The following RTKN variants were observed in gnomAD, a reference collection of about 807,000 sequenced individuals.
The protein encoded by RTKN is rhotekin.
A neutral mutation model predicts 63.5 loss-of-function variants in RTKN; 49 were observed. That is an observed-to-expected ratio of 0.77 (90% CI 0.61 to 0.98). The LOEUF (loss-of-function observed/expected upper bound fraction) is 0.98, where lower values mean the gene tolerates loss of function less well. Ranked by LOEUF, RTKN falls within the 50% of genes least tolerant of loss-of-function variation. RTKN has a pLI of 0.00. For missense variants in RTKN, 685 were observed against 740.8 expected, an observed-to-expected ratio of 0.92 and a Z score of 0.87; for synonymous variants, 295 against 290.4, an observed-to-expected ratio of 1.02 and a Z score of -0.16.
rs1365347906 is a variant in RTKN, at chr2:74,428,365, A to C, written c.989T>G (p.Val330Gly). The C allele has an allele frequency of 6.2e-7, 1 of 1,613,952 alleles. No individual in the cohort carries two copies. The highest frequency in any genetic ancestry group is 1.3e-5 in the African/African-American group (1 of 74,862). Reference sequence around the variant, plus strand: ...GTTTGTGCCTTTCAGAACTCCATGCACTTGTGCCCAGTTCTGCATCTCCCC... The same window carrying C: ...GTTTGTGCCTTTCAGAACTCCATGCCCTTGTGCCCAGTTCTGCATCTCCCC... ...QAGEMQNWAQ[V>G]HGVLKGTNLF... Residue 330 changes from valine to glycine, a missense_variant, in exon 9 of 12, where the codon GTG becomes GGG. Transcript: ENST00000272430.
At chr2:74,435,136 G>T (rs1044037574) in intron 1 of RTKN, among the ~76,000 whole-genome samples, 1 of 152,186 alleles carries the variant, frequency 6.6e-6, no homozygotes, top group Non-Finnish European at 1.5e-5. Flanking sequence ...GGGATGGGAA[G>T]GTAGGTGGTC....
At chr2:74,428,523 C>T (rs1670547624) in intron 8 of RTKN, 108 bp downstream of exon 8, 2 of 1,553,518 alleles carry the variant, frequency 1.3e-6, no homozygotes, top group African/African-American at 1.4e-5. Context: ...TGGCCATACC[C>T]CATTTCTTCC....
chr2:74,441,830 C>A lies in RTKN; in HGVS notation c.-14G>T. 1.3e-6 allele frequency: 2 copies of A among 1,566,290 alleles called. No homozygotes were observed. The highest frequency in any genetic ancestry group is 8.7e-7 in the Non-Finnish European group (1 of 1,143,904). ...TCGGGAGAACATGCTGGCGGCCCTG[C>A]GACTTTGCCTGCTCAGTGCGCTCCC... On this transcript the variant is annotated 5_prime_UTR_variant, in exon 1 of 12. Transcript: ENST00000272430.
In RTKN at chr2:74,432,653, T is replaced by C; in HGVS notation, c.125A>G (p.Gln42Arg). Residue 42 changes from glutamine (Q) to arginine (R), a missense_variant, in exon 2 of 12, where the codon CAG becomes CGG. Coordinates refer to ENST00000272430, the MANE Select transcript of RTKN (RefSeq NM_001015055.2). Reference sequence around the variant, plus strand: ...CCGGATCTCATGGTCTAGCTTCCTCTGCAACTCCGTGTCCTAGCCAGGGTT... The same window carrying C: ...CCGGATCTCATGGTCTAGCTTCCTCCGCAACTCCGTGTCCTAGCCAGGGTT... Reference protein sequence around the residue: ...FSDLPEDTELQRKLDHEIRMR... With the variant: ...FSDLPEDTELRRKLDHEIRMR... 1 of 1,614,136 alleles carries C rather than the reference T, an allele frequency of 6.2e-7. No homozygotes were observed. Among genetic ancestry groups the C allele is most frequent in the Non-Finnish European group, 8.5e-7 (1 of 1,179,996 alleles).
chr2:74,436,104 C>T lies in RTKN; in HGVS notation c.112-3438G>A, dbSNP rs1490270003. ...GCACCCAGCTTCAGCCACAAACATC[C>T]CAAATGGGTGAGCCTGGCAGGAGGG... On this transcript the variant is annotated intron_variant, in intron 1 of 11. Coordinates refer to ENST00000272430, the MANE Select transcript of RTKN (RefSeq NM_001015055.2). The surrounding 1 kb of genome is among the most constrained non-coding windows in gnomAD (Gnocchi z 4.3). Among the ~76,000 whole-genome samples, 1 of 152,230 alleles carries T rather than the reference C, an allele frequency of 6.6e-6. No individual in the cohort carries two copies. The highest frequency in any genetic ancestry group is 1.5e-5 in the Non-Finnish European group (1 of 68,036).
rs747298260 is a variant in RTKN, at chr2:74,430,251, C to T, written c.545+1G>A. The T allele has an allele frequency of 6.2e-7, 1 of 1,607,368 alleles. No individual in the cohort carries two copies. Among genetic ancestry groups the T allele is most frequent in the Non-Finnish European group, 8.5e-7 (1 of 1,173,778 alleles). On this transcript the variant is annotated splice_donor_variant, in intron 5 of 11. Coordinates refer to ENST00000272430, the MANE Select transcript of RTKN (RefSeq NM_001015055.2). LOFTEE classifies it high-confidence loss of function. ...AGGTAGCCACAGTGTGAGGTACTCA[C>T]AAGAGCACATTGCTCTGAAAGGAGA...
chr2:74,426,167 A>G lies in RTKN; in HGVS notation c.*76T>C. On this transcript the variant is annotated 3_prime_UTR_variant, in exon 12 of 12. Coordinates refer to ENST00000272430, the MANE Select transcript of RTKN (RefSeq NM_001015055.2). Reference sequence around the variant, plus strand: ...CCAGACTGGCCAACTTGCTATAGACAGCGCCGTATCCAGAGCCCAACTGCG... The same window carrying G: ...CCAGACTGGCCAACTTGCTATAGACGGCGCCGTATCCAGAGCCCAACTGCG... 2 of 1,334,900 alleles carry G rather than the reference A, an allele frequency of 1.5e-6. No individual in the cohort carries two copies. The highest frequency in any genetic ancestry group is 2.1e-6 in the Non-Finnish European group (2 of 945,880). The allele number at this position is 1,334,900 out of a possible 1,614,324, so 82.7% of individuals were successfully genotyped here.
chr2:74,439,246 T>G (rs1671217586), intron 1 of RTKN, among the ~76,000 whole-genome samples: 1 of 152,220 alleles, frequency 6.6e-6, no homozygotes, highest in Non-Finnish European at 1.5e-5. Context: ...TCTCTCACAT[T>G]GAACTCCTCT....
rs770359213 is a variant in RTKN, at chr2:74,432,482, C to T, written c.296G>A (p.Gly99Glu). 1.2e-5 allele frequency: 19 copies of T among 1,610,606 alleles called. No individual in the cohort carries two copies. Among genetic ancestry groups the T allele is most frequent in the East Asian group, 2.2e-5 (1 of 44,874 alleles). ...CCTTGCTCACCGCCGGCTTGTCTTC[C>T]CCAGCACCTGCGCCTCCTTGCGCCG... ...LQRRKEAQVL[G>E]KTSRRPSDSG... The change falls in exon 2 of 12, where the codon GGG (glycine) becomes GAG (glutamate). Residue 99 changes from glycine to glutamate, a missense_variant. Coordinates refer to ENST00000272430, the MANE Select transcript of RTKN (RefSeq NM_001015055.2).
rs1573252186 is a variant in RTKN at position 74,432,785 on chromosome 2, C to T, written c.112-119G>A. ...ACTGACAAGAAACTAATGTTTTAGG[C>T]AGTTCAAGAGCAGGCATTGGGTCTC... On this transcript the variant is annotated intron_variant, in intron 1 of 11. Coordinates refer to ENST00000272430, the MANE Select transcript of RTKN (RefSeq NM_001015055.2). The T allele has an allele frequency of 3.2e-5, 25 of 778,780 alleles. No individual in the cohort carries two copies. The East Asian group carries it at 3.7e-4, about 12-fold the overall frequency. 48.2% of individuals were successfully genotyped at this position (778,780 alleles called of 1,614,324 possible). A position where few individuals can be genotyped will look rare whatever the true frequency, so the allele number is the denominator to read the frequency against.
intron 1 of RTKN, among the ~76,000 whole-genome samples, chr2:74,433,516 T>C: frequency 6.8e-6 from 1 of 147,082 alleles, no homozygotes; most frequent in East Asian, 2.0e-4. Flanking sequence ...TGAGACGGAG[T>C]CTCGCTCTGT....
Position 74,426,070 on chromosome 2 carries a change from G to A in RTKN, c.*173C>T, listed in dbSNP as rs1670368596. On this transcript the variant is annotated 3_prime_UTR_variant, in exon 12 of 12. Transcript: ENST00000272430. ...CCAGGAATGAGTCCCTCGGTACCAT[G>A]GCAACCACAATTTAAGAGGGGCTTC... is the stretch of plus-strand genomic sequence containing the variant. The A allele has an allele frequency of 2.8e-6, 2 of 708,752 alleles. No individual in the cohort carries two copies. Among genetic ancestry groups the A allele is most frequent in the South Asian group, 3.5e-5 (2 of 57,306 alleles). 43.9% of individuals were successfully genotyped at this position (708,752 alleles called of 1,614,324 possible). A position where few individuals can be genotyped will look rare whatever the true frequency, so the allele number is the denominator to read the frequency against.
chr2:74,439,817 T>G, intron 1 of RTKN: 1 of 1,397,608 alleles, frequency 7.2e-7, no homozygotes, highest in Non-Finnish European at 9.3e-7. Flanking sequence ...GTGACAAATT[T>G]TCCTCGCCCA....
At chr2:74,426,602 G>A (rs1256111750) in intron 11 of RTKN, 28 bp from the exon 12 acceptor site, 15 of 1,515,294 alleles carry the variant, frequency 9.9e-6, no homozygotes, top group Admixed American at 2.2e-5. Flanking sequence ...GGTTGGGGGA[G>A]GGTTGGGCTA....
intron 1 of RTKN, 48 bp downstream of exon 1, chr2:74,441,658 T>C: frequency 7.1e-7 from 1 of 1,402,436 alleles, no homozygotes; most frequent in Non-Finnish European, 9.9e-7. Flanking sequence ...TGGCTGGGGC[T>C]GCCCCCGGGA....
chr2:74,439,455 G>T, intron 1 of RTKN: 1 of 1,397,518 alleles, frequency 7.2e-7, no homozygotes, highest in Non-Finnish European at 1.0e-6. Context: ...AGCAGGCCTG[G>T]CTCTCCCCAC....
intron 2 of RTKN, 84 bp downstream of exon 2, chr2:74,432,383 C>G (rs779995259): frequency 1.5e-6 from 2 of 1,296,920 alleles, no homozygotes; most frequent in South Asian, 1.2e-5. Context: ...TAAGGTGGTC[C>G]ACATGCCACA....
chr2:74,430,497 C>T lies in RTKN; in HGVS notation c.395G>A (p.Trp132Ter). 6.2e-7 allele frequency: 1 copy of T among 1,614,212 alleles called. No homozygotes were observed. Among genetic ancestry groups the T allele is most frequent in the Admixed American group, 1.7e-5 (1 of 60,032 alleles). The change falls in exon 4 of 12, where the codon TGG becomes TAG. Residue 132 changes from tryptophan to a stop codon, truncating the protein, a stop_gained. Transcript: ENST00000272430. LOFTEE classifies it high-confidence loss of function. ...GTTCTTGAAATATTCTGTGTCCTTC[C>T]ACATGAGTGGAATCCGGAGGTCTAA... ...CISDLRIPLM[W>*]KDTEYFKNKG...
At chr2:74,432,739 A>C (rs1394782826) in intron 1 of RTKN, 73 bp from the exon 2 acceptor site, 1 of 1,381,686 alleles carries the variant, frequency 7.2e-7, no homozygotes, top group African/African-American at 1.4e-5. Flanking sequence ...CCCAGTCCCC[A>C]GGTGGGCTGT....
Sources: allele counts gnomAD v4.1 joint callset (sites outside exome capture counted in the v4.1 genomes callset), GRCh38; gene constraint gnomAD v4.1.1; non-coding constraint Gnocchi (gnomAD v3.1); transcripts MANE v1.5; gene names NCBI Gene and HGNC (gene_info 2026-07-23, HGNC 2026-07-21).